PSMC3: variants seen among roughly 807,000 people sequenced by gnomAD.
PSMC3 encodes the protein proteasome 26S subunit, ATPase 3.
In PSMC3, 11 loss-of-function variants were observed where a neutral mutation model predicts 52.0. The observed-to-expected ratio is 0.21, with a 90% CI of 0.13 to 0.35. The LOEUF is 0.35. PSMC3 is among the 10% of genes least tolerant of loss of function. The pLI is 1.00. For synonymous variants in PSMC3, 201 were observed against 218.8 expected (o/e 0.92, Z 0.72); for missense variants, 238 against 567.1 (o/e 0.42, Z 5.89).
chr11:47,421,701 G>A (rs927721340), intron 8 of PSMC3, among the ~76,000 whole-genome samples: 23 of 151,116 alleles, frequency 1.5e-4, no homozygotes, highest in African/African-American at 5.4e-4. Flanking sequence ...CATCCAGGCC[G>A]GAGCACAGTG....
At position 47,420,737 on chromosome 11, in the gene PSMC3, A is replaced by G. The variant is rs749447801; in HGVS notation, c.885-10T>C. 1.4e-5 allele frequency: 21 copies of G among 1,554,066 alleles called. No individual in the cohort carries two copies. The highest frequency in any genetic ancestry group is 2.4e-5 in the South Asian group (2 of 84,274). On this transcript the variant is annotated splice_polypyrimidine_tract_variant and intron_variant, in intron 8 of 11. Coordinates refer to ENST00000298852, the MANE Select transcript of PSMC3 (RefSeq NM_002804.5). ...CTTCTCACTGTCAAAGCTAGGGCAC[A>G]GGAAGCCCGAGATGCTGGTGAGGGC...
In PSMC3 at chr11:47,424,000, A is replaced by G. The variant is rs763745134; in HGVS notation, c.591+46T>C. ...TGAGCTGCATCAATGGCGTGGAGAA[A>G]CTAAAAGGCTGACAAGGCTGCTGGC... is the stretch of plus-strand genomic sequence containing the variant. On this transcript the variant is annotated intron_variant, in intron 6 of 11. Transcript: ENST00000298852. 12 of 1,613,398 alleles carry G rather than the reference A, an allele frequency of 7.4e-6. No individual in the cohort carries two copies. In the African/African-American group the frequency reaches 1.2e-4, roughly 16 times the overall value.
Position 47,425,238 on chromosome 11 carries a change from C to T in PSMC3, c.168G>A (p.Lys56=). ...CATGGGTGACTCTCAACACTTCACTCTTCATGATCTGAGATCAGGAGGGGA... is the reference window on the plus strand; with the variant it reads ...CATGGGTGACTCTCAACACTTCACTTTTCATGATCTGAGATCAGGAGGGGA... ...RLLDSEIKIM[K]SEVLRVTHEL... Residue 56 remains lysine, a synonymous_variant, in exon 3 of 12, where the codon AAG becomes AAA. Coordinates refer to ENST00000298852, the MANE Select transcript of PSMC3 (RefSeq NM_002804.5). The T allele has an allele frequency of 6.2e-7, 1 of 1,614,162 alleles. No individual in the cohort carries two copies. The highest frequency in any genetic ancestry group is 1.3e-5 in the African/African-American group (1 of 75,048).
chr11:47,418,980 G>A (rs778381955), intron 11 of PSMC3, 35 bp from the exon 12 acceptor site: 23 of 1,609,544 alleles, frequency 1.4e-5, no homozygotes, highest in Non-Finnish European at 2.0e-5. Flanking sequence ...AGGTCTGAAC[G>A]CCTGAATGCC....
intron 2 of PSMC3, chr11:47,425,495 C>T (rs2096045349): frequency 1.7e-5 from 10 of 582,952 alleles, no homozygotes; most frequent in Non-Finnish European, 2.4e-5. Context: ...GAGAGGCAAA[C>T]ATAGGTTTTA....
chr11:47,423,987 A>C, intron 6 of PSMC3, 59 bp downstream of exon 6: 1 of 1,610,998 alleles, frequency 6.2e-7, no homozygotes, highest in Non-Finnish European at 8.5e-7. Flanking sequence ...AGCTGCATCA[A>C]TGGCGTGGAG....
intron 8 of PSMC3, among the ~76,000 whole-genome samples, chr11:47,421,225 GGAC>G (rs2096040027): frequency 8.5e-6 from 1 of 117,938 alleles, no homozygotes; most frequent in African/African-American, 3.2e-5. Flanking sequence ...ACTCCAGCCT[GGAC>G]GACAGAGCGA....
At chr11:47,423,174 C>A (rs868716450) in intron 6 of PSMC3, among the ~76,000 whole-genome samples, 79 of 152,100 alleles carry the variant, frequency 5.2e-4, no homozygotes, top group African/African-American at 1.8e-3. Flanking sequence ...CTGAGGCGGG[C>A]GGATCACAAG....
chr11:47,422,993 G>A lies in PSMC3; in HGVS notation c.592-20C>T. 6.3e-7 allele frequency: 1 copy of A among 1,595,868 alleles called. No individual in the cohort carries two copies. The highest frequency in any genetic ancestry group is 8.5e-7 in the Non-Finnish European group (1 of 1,171,014). On this transcript the variant is annotated intron_variant, in intron 6 of 11. Coordinates refer to ENST00000298852, the MANE Select transcript of PSMC3 (RefSeq NM_002804.5). This position sits in a 1 kb window ranked among gnomAD's most constrained non-coding sequence, Gnocchi z 4.3. ...CACCAGCTGCCAGGAGGAAGTCCTG[G>A]GTGAGGAGATGAAGCCCTGAGGGCT...
intron 2 of PSMC3, 138 bp from the exon 3 acceptor site, chr11:47,425,384 A>C: frequency 9.4e-7 from 1 of 1,066,826 alleles, no homozygotes; most frequent in South Asian, 1.4e-5. Flanking sequence ...CTGAAGGCAG[A>C]GTCTGACTGT....
chr11:47,419,780 AC>A (rs1343209524), intron 10 of PSMC3, among the ~76,000 whole-genome samples: 1 of 151,868 alleles, frequency 6.6e-6, no homozygotes, highest in African/African-American at 2.4e-5. Flanking sequence ...AATGGCGTGA[AC>A]CCAGGAGGCG....
At chr11:47,425,552 C>G in intron 2 of PSMC3, 1 of 541,582 alleles carries the variant, frequency 1.8e-6, no homozygotes, top group Non-Finnish European at 3.3e-6. Flanking sequence ...CAGTACAAAC[C>G]TCTCTGGGCC....
chr11:47,423,915 A>T, intron 6 of PSMC3, 131 bp downstream of exon 6: 1 of 1,302,638 alleles, frequency 7.7e-7, no homozygotes, highest in South Asian at 1.3e-5. Flanking sequence ...CTCACCTGTC[A>T]CATGGCACCC....
At position 47,424,325 on chromosome 11, in the gene PSMC3, T is replaced by G; in HGVS notation, c.453+104A>C. The G allele has an allele frequency of 1.3e-6, 2 of 1,555,642 alleles. No individual in the cohort carries two copies. Among genetic ancestry groups the G allele is most frequent in the Non-Finnish European group, 1.8e-6 (2 of 1,128,462 alleles). On this transcript the variant is annotated intron_variant, in intron 5 of 11. Coordinates refer to ENST00000298852, the MANE Select transcript of PSMC3 (RefSeq NM_002804.5). This position sits in a 1 kb window ranked among gnomAD's most constrained non-coding sequence, Gnocchi z 4.8. ...AGCAAGTAGACAGAATCCCAGACTCTCGGAGCTGTTCTGCCAAGATTCAGA... is the reference window on the plus strand; with the variant it reads ...AGCAAGTAGACAGAATCCCAGACTCGCGGAGCTGTTCTGCCAAGATTCAGA...
rs2096041715 is a variant in PSMC3 at position 47,422,449 on chromosome 11, G to A, written c.884+125C>T. 8.5e-7 allele frequency: 1 copy of A among 1,171,104 alleles called. No homozygotes were observed. Among genetic ancestry groups the A allele is most frequent in the South Asian group, 1.5e-5 (1 of 68,874 alleles). The allele number at this position is 1,171,104 out of a possible 1,614,324, so 72.5% of individuals were successfully genotyped here. A position where few individuals can be genotyped will look rare whatever the true frequency, so the allele number is the denominator to read the frequency against. On this transcript the variant is annotated intron_variant, in intron 8 of 11. Coordinates refer to ENST00000298852, the MANE Select transcript of PSMC3 (RefSeq NM_002804.5). This position sits in a 1 kb window ranked among gnomAD's most constrained non-coding sequence, Gnocchi z 4.3. ...AGGAATTGGAATCTCAAGAGTTGAG[G>A]AGCCACCATCCAGGGGCAGGAGGGG...
At position 47,426,192 on chromosome 11, in the gene PSMC3, G is replaced by C; in HGVS notation, c.75+13C>G. 1.3e-6 allele frequency: 2 copies of C among 1,555,032 alleles called. No homozygotes were observed. The highest frequency in any genetic ancestry group is 1.9e-5 in the Admixed American group (1 of 51,476). On this transcript the variant is annotated intron_variant, in intron 1 of 11. Transcript: ENST00000298852. ...GCCCCGGTTCCCGGACCGCCAGCTC[G>C]CCCGGTGCCCACCTCGGCCTCATCC...
In PSMC3 at chr11:47,426,245, G is replaced by A; in HGVS notation, c.35C>T (p.Thr12Ile). The change falls in exon 1 of 12, where the codon ACT (threonine) becomes ATT (isoleucine). Residue 12 changes from threonine (T) to isoleucine (I), a missense_variant. Physicochemically the swap from Thr to Ile is moderately conservative, Grantham distance 89 (BLOSUM62 -1). Around this residue, in one of 6 missense-constraint regions of PSMC3, gnomAD observed 48 missense variants for 63.4 expected, o/e 0.76. Coordinates refer to ENST00000298852, the MANE Select transcript of PSMC3 (RefSeq NM_002804.5). ...NLLPNIESPV[T>I]RQEKMATVWD... ...CACGGTCGCCATCTTCTCCTGCCGA[G>A]TCACTGGACTCTCAATATTCGGCAG... The A allele has an allele frequency of 6.4e-7, 1 of 1,559,446 alleles. No individual in the cohort carries two copies. Among genetic ancestry groups the A allele is most frequent in the Non-Finnish European group, 8.7e-7 (1 of 1,151,910 alleles).
intron 8 of PSMC3, among the ~76,000 whole-genome samples, chr11:47,421,518 C>T (rs1014337657): frequency 3.3e-5 from 5 of 151,952 alleles, no homozygotes; most frequent in Non-Finnish European, 5.9e-5. Context: ...CAGGAAGCAC[C>T]GTGGCAGGAG....
Position 47,425,043 on chromosome 11 carries a change from T to A in PSMC3, c.285+78A>T, listed in dbSNP as rs1055561609. On this transcript the variant is annotated intron_variant, in intron 3 of 11. Coordinates refer to ENST00000298852, the MANE Select transcript of PSMC3 (RefSeq NM_002804.5). ...GTTTGGCCTCAATACCTCCACCCAC[T>A]CTTTCCCTAGTGGCCCCACCCCAGG... 4 of 1,593,658 alleles carry A rather than the reference T, an allele frequency of 2.5e-6. No individual in the cohort carries two copies. The Admixed American group carries it at 5.0e-5, about 20-fold the overall frequency.
Sources: allele counts gnomAD v4.1 joint callset (sites outside exome capture counted in the v4.1 genomes callset), GRCh38; gene constraint gnomAD v4.1.1; regional missense constraint gnomAD v4.1.1; non-coding constraint Gnocchi (gnomAD v3.1); transcripts MANE v1.5; gene names NCBI Gene and HGNC (gene_info 2026-07-23, HGNC 2026-07-21).